VWA3B: variants seen among roughly 807,000 people sequenced by gnomAD.
The protein encoded by VWA3B is von Willebrand factor A domain containing 3B, also known as von Willebrand factor A domain-containing protein 3B.
A neutral mutation model predicts 158.3 loss-of-function variants in VWA3B; 138 were observed. The ratio of observed to expected loss-of-function variants is 0.87; its 90% CI spans 0.76 to 1.00. VWA3B has a LOEUF of 1.00. VWA3B is among the 50% of genes least tolerant of loss of function. VWA3B has a pLI of 0.00. For missense variants in VWA3B, 1,555 were observed against 1,565.1 expected, an observed-to-expected ratio of 0.99 and a Z score of 0.11; for synonymous variants, 596 against 587.3, an observed-to-expected ratio of 1.01 and a Z score of -0.21.
At chr2:98,162,809 G>A in intron 7 of VWA3B, 42 bp from the exon 8 acceptor site, 2 of 1,608,484 alleles carry the variant, frequency 1.2e-6, no homozygotes, top group Non-Finnish European at 1.7e-6. Context: ...ACATTCCTGG[G>A]CCTGTCTCAG....
chr2:98,145,380 A>G (rs560330135), intron 7 of VWA3B, among the ~76,000 whole-genome samples: 5 of 152,204 alleles, frequency 3.3e-5, no homozygotes, highest in Admixed American at 6.5e-5. Context: ...TACTATTATT[A>G]TTTTCATTTT....
At chr2:98,217,695 A>T in intron 13 of VWA3B, 151 bp from the exon 14 acceptor site, 1 of 623,262 alleles carries the variant, frequency 1.6e-6, no homozygotes, top group Non-Finnish European at 2.5e-6. Flanking sequence ...TTATTTACTG[A>T]ATTGAATCGA....
the VWA3B span, among the ~76,000 whole-genome samples, chr2:98,325,732 G>A: frequency 1.3e-5 from 2 of 152,188 alleles, no homozygotes; most frequent in East Asian, 3.8e-4. Flanking sequence ...AGGGGTGAAT[G>A]GACATACATG....
chr2:98,324,772 G>A, the VWA3B span, among the ~76,000 whole-genome samples: 1 of 152,170 alleles, frequency 6.6e-6, no homozygotes, highest in Non-Finnish European at 1.5e-5. Context: ...TGATCCAGCT[G>A]TTGGATTATC....
intron 6 of VWA3B, among the ~76,000 whole-genome samples, chr2:98,131,325 C>A (rs370208248): frequency 6.6e-6 from 1 of 152,262 alleles, no homozygotes; most frequent in Admixed American, 6.5e-5. Flanking sequence ...TAAGTATATA[C>A]CACCTTTCTT....
chr2:98,090,359 A>C (rs1287206915), intron 1 of VWA3B, among the ~76,000 whole-genome samples: 1 of 152,230 alleles, frequency 6.6e-6, no homozygotes, highest in African/African-American at 2.4e-5. Flanking sequence ...CATGAAACAA[A>C]ATACAATGAC....
At chr2:98,278,345 C>T (rs971257347) in intron 22 of VWA3B, among the ~76,000 whole-genome samples, 1 of 152,230 alleles carries the variant, frequency 6.6e-6, no homozygotes, top group Non-Finnish European at 1.5e-5. Context: ...CCCACAACCC[C>T]TGGAGCCCCA....
At chr2:98,152,224 T>G (rs1220978124) in intron 7 of VWA3B, among the ~76,000 whole-genome samples, 1 of 152,228 alleles carries the variant, frequency 6.6e-6, no homozygotes, top group African/African-American at 2.4e-5. Context: ...GGGTGTGAAT[T>G]TCACCTACTT....
chr2:98,120,702 T>C (rs1381683734), intron 4 of VWA3B, among the ~76,000 whole-genome samples: 1 of 152,220 alleles, frequency 6.6e-6, no homozygotes, highest in Non-Finnish European at 1.5e-5. Flanking sequence ...TGGCTCTTCT[T>C]TTTTTGGAAT....
intron 15 of VWA3B, 113 bp downstream of exon 15, chr2:98,228,445 G>T: frequency 7.7e-7 from 1 of 1,301,008 alleles, no homozygotes; most frequent in Admixed American, 2.7e-5. Context: ...TTAGTGAAAA[G>T]AATCACGTAG....
intron 12 of VWA3B, among the ~76,000 whole-genome samples, chr2:98,200,445 G>A (rs917506069): frequency 4.0e-5 from 6 of 151,840 alleles, no homozygotes; most frequent in South Asian, 2.1e-4. Flanking sequence ...AGGAGGCTGA[G>A]GCAAGAGAAT....
chr2:98,309,658 C>T (rs1372298915), intron 26 of VWA3B, among the ~76,000 whole-genome samples: 1 of 152,216 alleles, frequency 6.6e-6, no homozygotes, highest in Admixed American at 6.5e-5. Context: ...CACATTGTCT[C>T]CTGACATCAG....
chr2:98,245,681 T>C (rs916380854), intron 19 of VWA3B: 14 of 448,394 alleles, frequency 3.1e-5, no homozygotes, highest in Admixed American at 2.6e-4. Context: ...TGTTATAATG[T>C]TGCTTAGTGG....
rs189129965 is a variant in VWA3B, at chr2:98,130,542, G to A, written c.872+2134G>A. Among the ~76,000 whole-genome samples, 477 of 152,152 alleles carry A rather than the reference G, an allele frequency of 3.1e-3. 5 individuals are homozygous for A. Among genetic ancestry groups the A allele is most frequent in the African/African-American group, 0.011 (441 of 41,502 alleles). ...TAGGCAGAGGTCCCTGCAGCCTTCCGCAGTGTTTGTGTCCCTGGGTACTTG... is the reference window on the plus strand; with the variant it reads ...TAGGCAGAGGTCCCTGCAGCCTTCCACAGTGTTTGTGTCCCTGGGTACTTG... On this transcript the variant is annotated intron_variant, in intron 6 of 27. Coordinates refer to ENST00000477737, the MANE Select transcript of VWA3B (RefSeq NM_144992.5).
At chr2:98,199,310 G>A (rs1682332433) in intron 12 of VWA3B, among the ~76,000 whole-genome samples, 1 of 152,278 alleles carries the variant, frequency 6.6e-6, no homozygotes, top group South Asian at 2.1e-4. Context: ...ACATAAAGCT[G>A]CAGTAAACAT....
intron 21 of VWA3B, among the ~76,000 whole-genome samples, chr2:98,260,718 A>C (rs1687429886): frequency 6.6e-6 from 1 of 151,766 alleles, no homozygotes; most frequent in Admixed American, 6.6e-5. Context: ...TTTAGGAATC[A>C]GTATGCATGT....
chr2:98,187,664 C>CTGTGTGTG (rs3066239), intron 9 of VWA3B, among the ~76,000 whole-genome samples: 1,799 of 141,778 alleles, frequency 0.013, 24 homozygotes, highest in Middle Eastern at 0.054. Context: ...GTCTCTGTGT[C>CTGTGTGTG]TGTGTGTGTG....
At chr2:98,224,820 G>T (rs1354612450) in intron 14 of VWA3B, among the ~76,000 whole-genome samples, 1 of 150,844 alleles carries the variant, frequency 6.6e-6, no homozygotes, top group Non-Finnish European at 1.5e-5. Context: ...ATTCTACATA[G>T]GTAGGTTCAA....
chr2:98,165,062 C>T (rs542889371), intron 8 of VWA3B, among the ~76,000 whole-genome samples: 2 of 152,322 alleles, frequency 1.3e-5, no homozygotes, highest in Admixed American at 6.5e-5. Context: ...GACTTGATGT[C>T]AGCGCATTCT....
Sources: gnomAD v4.1 joint callset for allele counts (sites outside exome capture counted in the v4.1 genomes callset) on GRCh38, gnomAD v4.1.1 for gene constraint, MANE v1.5 for transcripts, NCBI Gene and HGNC (gene_info 2026-07-23, HGNC 2026-07-21) for gene names.